The following ZFAT variants were observed in gnomAD, a reference collection of about 807,000 sequenced individuals.
The protein encoded by ZFAT is zinc finger protein ZFAT.
A neutral mutation model predicts 117.7 loss-of-function variants in ZFAT; 64 were observed. That is an observed-to-expected ratio of 0.54 (90% CI 0.44 to 0.67). The LOEUF is 0.67. ZFAT is among the 30% of genes least tolerant of loss of function. The pLI, the probability that ZFAT is intolerant of heterozygous loss-of-function variation, is 0.00. For missense variants in ZFAT, 1,433 were observed against 1,584.5 expected (o/e 0.90, Z 1.62); for synonymous variants, 679 against 615.0 (o/e 1.10, Z -1.54).
chr8:134,652,100 G>A (rs900583489), intron 2 of ZFAT, among the ~76,000 whole-genome samples: 4 of 152,154 alleles, frequency 2.6e-5, no homozygotes, highest in East Asian at 3.8e-4. Flanking sequence ...GGCAGATCAC[G>A]TGATGTCAGG....
At chr8:134,679,143 C>T (rs1351210041) in intron 1 of ZFAT, among the ~76,000 whole-genome samples, 1 of 152,054 alleles carries the variant, frequency 6.6e-6, no homozygotes, top group Non-Finnish European at 1.5e-5. Flanking sequence ...TCATCAGAGT[C>T]AACAGGCAAC....
chr8:134,670,730 G>A (rs1832519048), intron 1 of ZFAT, among the ~76,000 whole-genome samples: 1 of 152,204 alleles, frequency 6.6e-6, no homozygotes, highest in Non-Finnish European at 1.5e-5. Flanking sequence ...AAAGCCAGCA[G>A]AAGGCAAGAA....
At chr8:134,778,320 C>G in the ZFAT span, among the ~76,000 whole-genome samples, 1 of 152,200 alleles carries the variant, frequency 6.6e-6, no homozygotes, top group Non-Finnish European at 1.5e-5. Context: ...CTAGGGCTAA[C>G]TCAGCGATGA....
At chr8:134,792,169 A>G in the ZFAT span, 1 of 152,240 alleles carries the variant, frequency 6.6e-6, no homozygotes, top group Non-Finnish European at 1.5e-5. Flanking sequence ...ATGAAGCTTC[A>G]TATGCCCTTA....
intron 3 of ZFAT, among the ~76,000 whole-genome samples, chr8:134,616,026 G>C (rs1247290261): frequency 6.6e-6 from 1 of 152,204 alleles, no homozygotes. Context: ...CCCAGTATGT[G>C]GGGGGTGGGA....
At chr8:134,733,135 A>C in the ZFAT span, among the ~76,000 whole-genome samples, 1 of 152,224 alleles carries the variant, frequency 6.6e-6, no homozygotes, top group Non-Finnish European at 1.5e-5. Context: ...CCAAAAAATC[A>C]TCTCCTAATG....
the ZFAT span, among the ~76,000 whole-genome samples, chr8:134,829,608 T>A: frequency 3.3e-5 from 5 of 152,262 alleles, no homozygotes; most frequent in Non-Finnish European, 4.4e-5. Flanking sequence ...TTAAAGGGAT[T>A]AAGTATTTGA....
At chr8:134,522,084 C>T (rs981896589) in intron 12 of ZFAT, among the ~76,000 whole-genome samples, 1 of 152,254 alleles carries the variant, frequency 6.6e-6, no homozygotes, top group Non-Finnish European at 1.5e-5. Context: ...TTCACCTTGC[C>T]AGAGAGCGTG....
chr8:134,567,849 G>A (rs756335700), intron 10 of ZFAT, among the ~76,000 whole-genome samples: 1 of 152,184 alleles, frequency 6.6e-6, no homozygotes, highest in Non-Finnish European at 1.5e-5. Flanking sequence ...GCACTGTCTC[G>A]CAGCATCTGG....
intron 7 of ZFAT, among the ~76,000 whole-genome samples, chr8:134,591,536 T>A (rs1378647620): frequency 6.6e-6 from 1 of 152,218 alleles, no homozygotes; most frequent in African/African-American, 2.4e-5. Flanking sequence ...TTGAATTCTA[T>A]CCCCTAAAAA....
intron 1 of ZFAT, among the ~76,000 whole-genome samples, 152 bp from the exon 2 acceptor site, chr8:134,657,889 CCACT>C (rs1831706991): frequency 6.6e-6 from 1 of 152,196 alleles, no homozygotes; most frequent in African/African-American, 2.4e-5. Context: ...CCATGGCAGG[CCACT>C]CACTTTCATC....
At chr8:134,527,673 TG>T (rs1457890821) in intron 12 of ZFAT, among the ~76,000 whole-genome samples, 2 of 152,182 alleles carry the variant, frequency 1.3e-5, no homozygotes, top group South Asian at 4.2e-4. Flanking sequence ...AGATCCTACC[TG>T]GGACTATCTG....
At chr8:134,650,881 C>T (rs1047281785) in intron 2 of ZFAT, among the ~76,000 whole-genome samples, 1 of 152,202 alleles carries the variant, frequency 6.6e-6, no homozygotes, top group Non-Finnish European at 1.5e-5. Flanking sequence ...TGGAACCCTA[C>T]CTCACATCAT....
chr8:134,790,724 T>C, the ZFAT span, among the ~76,000 whole-genome samples: 2 of 152,316 alleles, frequency 1.3e-5, no homozygotes, highest in East Asian at 1.9e-4. Flanking sequence ...GTTTTAAAAT[T>C]TTCCTTCAGG....
chr8:134,557,113 T>A (rs533178956), intron 11 of ZFAT, among the ~76,000 whole-genome samples: 186 of 152,270 alleles, frequency 1.2e-3, no homozygotes, highest in Middle Eastern at 0.01. Context: ...CAGTGTTTTA[T>A]GCTTCTTACA....
chr8:134,649,163 T>TCTCACACACACA (rs1232701081), intron 2 of ZFAT, among the ~76,000 whole-genome samples: 1 of 80,254 alleles, frequency 1.2e-5, no homozygotes, highest in Admixed American at 1.2e-4. Flanking sequence ...AACATCTATC[T>TCTCACACACACA]CTCACACACA....
intron 15 of ZFAT, among the ~76,000 whole-genome samples, chr8:134,488,407 C>A (rs4909618): frequency 6.6e-6 from 1 of 152,034 alleles, no homozygotes; most frequent in African/African-American, 2.4e-5. Context: ...GAGTTAGGAA[C>A]GTGAAGTTAC....
intron 7 of ZFAT, among the ~76,000 whole-genome samples, chr8:134,597,378 C>G (rs1196645658): frequency 1.3e-5 from 2 of 152,196 alleles, no homozygotes; most frequent in Non-Finnish European, 2.9e-5. Flanking sequence ...ATTCAATAAC[C>G]TGGAGTAAAT....
At chr8:134,524,445 T>C (rs976727544) in intron 12 of ZFAT, among the ~76,000 whole-genome samples, 5 of 152,224 alleles carry the variant, frequency 3.3e-5, no homozygotes, top group Non-Finnish European at 5.9e-5. Context: ...GAAATTAAGA[T>C]TATAAATTTA....
Sources: allele counts gnomAD v4.1 joint callset (sites outside exome capture counted in the v4.1 genomes callset), GRCh38; gene constraint gnomAD v4.1.1; transcripts MANE v1.5; gene names NCBI Gene and HGNC (gene_info 2026-07-23, HGNC 2026-07-21).